The following GNB3 variants were observed in gnomAD, a reference collection of about 807,000 sequenced individuals.
The protein encoded by GNB3 is G protein subunit beta 3.
Under a neutral mutation model 41.2 loss-of-function variants are expected in GNB3, and 33 were observed. That is an observed-to-expected ratio of 0.80 (90% CI 0.61 to 1.07). The LOEUF (loss-of-function observed/expected upper bound fraction) is 1.07, where lower values mean the gene tolerates loss of function less well. Ranked by LOEUF, GNB3 falls within the 50% of genes least tolerant of loss-of-function variation. The probability of loss-of-function intolerance (pLI) is 0.00; values close to 1 mark genes in which losing one functional copy is unlikely to be tolerated. For missense variants in GNB3, 409 were observed against 455.3 expected (o/e 0.90, Z 0.92); for synonymous variants, 172 against 173.4 (o/e 0.99, Z 0.06).
Position 6,841,590 on chromosome 12 carries a change from C to T in GNB3, c.62C>T (p.Ala21Val). ...TGATGTCTGCTTTCCCTGCAGGATGCCAGGAAAGCCTGTGCTGACGTTACT... is the reference window on the plus strand; with the variant it reads ...TGATGTCTGCTTTCCCTGCAGGATGTCAGGAAAGCCTGTGCTGACGTTACT... ...AEQLKKQIAD[A>V]RKACADVTLA... is the part of the protein sequence containing the mutation. Residue 21 changes from alanine to valine, a missense_variant, in exon 3 of 10, where the codon GCC becomes GTC. Ala to Val is a moderately conservative substitution (Grantham distance 64, BLOSUM62 0). Transcript: ENST00000229264. The T allele has an allele frequency of 6.2e-7, 1 of 1,613,216 alleles. No individual in the cohort carries two copies.
At position 6,843,521 on chromosome 12, in the gene GNB3, C is replaced by T; in HGVS notation, c.426C>T (p.His142=). The T allele has an allele frequency of 6.2e-7, 1 of 1,614,108 alleles. No homozygotes were observed. The highest frequency in any genetic ancestry group is 8.5e-7 in the Non-Finnish European group (1 of 1,179,952). ...AGGTCAGCCGGGAGCTTTCTGCTCA[C>T]ACAGGTGAGGGAGAGACCCTCTCCT... The part of the protein sequence containing the change: ...NVKVSRELSA[H]TGYLSCCRFL... The change falls in exon 6 of 10, where the codon CAC becomes CAT. Residue 142 remains histidine, a synonymous_variant. Coordinates refer to ENST00000229264, the MANE Select transcript of GNB3 (RefSeq NM_002075.4). The surrounding 1 kb of genome is among the most constrained non-coding windows in gnomAD (Gnocchi z 5.9).
In GNB3 at chr12:6,845,812, A is replaced by T; in HGVS notation, c.916+10A>T. On this transcript the variant is annotated intron_variant, in intron 9 of 9. Transcript: ENST00000229264. ...AAGTCTGAGCGTGTGGGTAAGGGCC[A>T]GCCCTGGCTGCTGCTTCCTCAGCTG... The T allele has an allele frequency of 1.3e-6, 2 of 1,595,178 alleles. No individual in the cohort carries two copies. Among genetic ancestry groups the T allele is most frequent in the South Asian group, 1.1e-5 (1 of 90,686 alleles).
At chr12:6,845,470 C>T (rs1174400297) in intron 8 of GNB3, 116 bp from the exon 9 acceptor site, 5 of 684,540 alleles carry the variant, frequency 7.3e-6, no homozygotes, top group African/African-American at 7.0e-5. Flanking sequence ...GAGGGACAGG[C>T]AGGGAGGCTG....
At chr12:6,844,042 C>A in intron 8 of GNB3, 64 bp downstream of exon 8, 1 of 1,008,664 alleles carries the variant, frequency 9.9e-7, no homozygotes, top group Non-Finnish European at 1.5e-6. Context: ...ACAACACATA[C>A]AATACACATC....
rs371490473 is a variant in GNB3, at chr12:6,843,111, G to A, written c.203+35G>A. 2.4e-5 allele frequency: 38 copies of A among 1,602,366 alleles called. No individual in the cohort carries two copies. The African/African-American group carries it at 4.1e-4, about 17-fold the overall frequency. On this transcript the variant is annotated intron_variant, in intron 4 of 9. Transcript: ENST00000229264. This position sits in a 1 kb window ranked among gnomAD's most constrained non-coding sequence, Gnocchi z 5.9. ...GGGGGGGAACCGAGAATGGGAGGGT[G>A]AGAGCGGGAGTGAGGAAGGCGGGAA... is the stretch of plus-strand genomic sequence containing the variant.
chr12:6,843,290 C>T lies in GNB3; in HGVS notation c.267+53C>T, dbSNP rs1011742456. 1.6e-5 allele frequency: 26 copies of T among 1,609,288 alleles called. No homozygotes were observed. Among genetic ancestry groups the T allele is most frequent in the Non-Finnish European group, 2.0e-5 (23 of 1,175,724 alleles). On this transcript the variant is annotated intron_variant, in intron 5 of 9. Coordinates refer to ENST00000229264, the MANE Select transcript of GNB3 (RefSeq NM_002075.4). This position sits in a 1 kb window ranked among gnomAD's most constrained non-coding sequence, Gnocchi z 5.9. ...ACCACTGCATCCTTCCTAAGGGCGC[C>T]ATGCCTACCCTCCTGTGCCCAGCTG...
At chr12:6,845,508 A>G in intron 8 of GNB3, 78 bp from the exon 9 acceptor site, 1 of 950,504 alleles carries the variant, frequency 1.1e-6, no homozygotes. Flanking sequence ...TGGAGCTGTC[A>G]GGTGGGAGGC....
rs1388135994 is a variant in GNB3, at chr12:6,843,995, C to T, written c.699+17C>T. On this transcript the variant is annotated intron_variant, in intron 8 of 9. Transcript: ENST00000229264. This position sits in a 1 kb window ranked among gnomAD's most constrained non-coding sequence, Gnocchi z 5.9. ...GCCATCTGTGTGAGTGCACCCCCCA[C>T]CCCAGCTTCACTCCAACTCCTTCCC... is the stretch of plus-strand genomic sequence containing the variant. 1.3e-6 allele frequency: 2 copies of T among 1,582,994 alleles called. No individual in the cohort carries two copies. Among genetic ancestry groups the T allele is most frequent in the East Asian group, 2.2e-5 (1 of 44,708 alleles).
rs1746221454 is a variant in GNB3 at position 6,847,125 on chromosome 12, C to T, written c.*227C>T. Reference sequence around the variant, plus strand: ...CCCATGGCCTTCCCTCCCCACAGTCCTCACAGCCTCTCCCTTAATGAGCAA... The same window carrying T: ...CCCATGGCCTTCCCTCCCCACAGTCTTCACAGCCTCTCCCTTAATGAGCAA... On this transcript the variant is annotated 3_prime_UTR_variant, in exon 10 of 10. Transcript: ENST00000229264. 1 of 527,362 alleles carries T rather than the reference C, an allele frequency of 1.9e-6. No individual in the cohort carries two copies. The highest frequency in any genetic ancestry group is 3.2e-5 in the Admixed American group (1 of 31,554). 32.7% of individuals were successfully genotyped at this position (527,362 alleles called of 1,614,324 possible).
Position 6,844,091 on chromosome 12 carries a change from G to GTCTTTTTTTTTTTTTTTTTTTTTT in GNB3, c.699+114_699+115insCTTTTTTTTTTTTTTTTTTTTTTT, listed in dbSNP as rs1432718669. 17 of 253,438 alleles carry GTCTTTTTTTTTTTTTTTTTTTTTT rather than the reference G, an allele frequency of 6.7e-5. 5 individuals are homozygous for GTCTTTTTTTTTTTTTTTTTTTTTT. The highest frequency in any genetic ancestry group is 3.9e-4 in the African/African-American group (9 of 23,258). 15.7% of individuals were successfully genotyped at this position (253,438 alleles called of 1,614,324 possible). ...ATAGCTTCCCTAGCCCTTTCTTACT[G>GTCTTTTTTTTTTTTTTTTTTTTTT]TATTTTTTTTTTTTTTTTTTTTTTT... On this transcript the variant is annotated intron_variant, in intron 8 of 9. Transcript: ENST00000229264.
At chr12:6,841,210 C>G in intron 1 of GNB3, 48 bp from the exon 2 acceptor site, 1 of 1,252,922 alleles carries the variant, frequency 8.0e-7, no homozygotes, top group East Asian at 2.4e-5. Context: ...AGGGCAGAAG[C>G]ACAGCCTGGT....
chr12:6,842,985 G>C lies in GNB3; in HGVS notation c.112G>C (p.Glu38Gln), dbSNP rs1943600646. ...CTCTCTGCAGCTGGTGTCTGGCCTA[G>C]AGGTGGTGGGACGAGTCCAGATGCG... ...VTLAELVSGLEVVGRVQMRTR... is the reference protein window; with the variant it reads ...VTLAELVSGLQVVGRVQMRTR... The change falls in exon 4 of 10, where the codon GAG becomes CAG. Residue 38 changes from glutamate (E) to glutamine (Q), a missense_variant. Transcript: ENST00000229264. The C allele has an allele frequency of 6.5e-6, 10 of 1,549,464 alleles. No homozygotes were observed. The highest frequency in any genetic ancestry group is 8.8e-6 in the Non-Finnish European group (10 of 1,142,768).
At chr12:6,841,168 T>C in intron 1 of GNB3, 90 bp from the exon 2 acceptor site, 1 of 790,800 alleles carries the variant, frequency 1.3e-6, no homozygotes, top group Non-Finnish European at 2.1e-6. Context: ...CCCAGTCGTT[T>C]CCCTGTGTCT....
intron 2 of GNB3, 84 bp downstream of exon 2, chr12:6,841,428 G>T: frequency 1.5e-6 from 2 of 1,297,978 alleles, no homozygotes; most frequent in South Asian, 2.5e-5. Flanking sequence ...GGCTGGGTTT[G>T]CTCTTGAGTG....
At position 6,845,612 on chromosome 12, in the gene GNB3, C is replaced by T. The variant is rs760856626; in HGVS notation, c.726C>T (p.Cys242=). The part of the protein sequence containing the change: ...ICFFPNGEAI[C]TGSDDASCRL... ...TCTTCCCCAATGGAGAGGCCATCTG[C>T]ACGGGCTCGGATGACGCTTCCTGCC... Residue 242 remains cysteine (C), a synonymous_variant, in exon 9 of 10, where the codon TGC becomes TGT. Transcript: ENST00000229264. 5.6e-6 allele frequency: 9 copies of T among 1,612,634 alleles called. No individual in the cohort carries two copies. The highest frequency in any genetic ancestry group is 7.6e-6 in the Non-Finnish European group (9 of 1,179,802).
chr12:6,846,545 T>C, intron 9 of GNB3: 1 of 393,734 alleles, frequency 2.5e-6, no homozygotes, highest in South Asian at 5.7e-5. Context: ...CCTCTTTCAG[T>C]CTCTTAGCCT....
chr12:6,841,392 A>G (rs1555123351), intron 2 of GNB3, 48 bp downstream of exon 2: 4 of 1,537,854 alleles, frequency 2.6e-6, no homozygotes, highest in Non-Finnish European at 3.6e-6. Context: ...AGCTGGGGAC[A>G]TGAGGAGCGT....
chr12:6,841,179 T>C, intron 1 of GNB3, 79 bp from the exon 2 acceptor site: 1 of 874,810 alleles, frequency 1.1e-6, no homozygotes, highest in Non-Finnish European at 1.9e-6. Context: ...CCCTGTGTCT[T>C]GGAGTCTGGT....
Position 6,843,297 on chromosome 12 carries a change from A to G in GNB3, c.267+60A>G. On this transcript the variant is annotated intron_variant, in intron 5 of 9. Coordinates refer to ENST00000229264, the MANE Select transcript of GNB3 (RefSeq NM_002075.4). This position sits in a 1 kb window ranked among gnomAD's most constrained non-coding sequence, Gnocchi z 5.9. ...CATCCTTCCTAAGGGCGCCATGCCTACCCTCCTGTGCCCAGCTGGGAGCTT... is the reference window on the plus strand; with the variant it reads ...CATCCTTCCTAAGGGCGCCATGCCTGCCCTCCTGTGCCCAGCTGGGAGCTT... 1 of 1,608,402 alleles carries G rather than the reference A, an allele frequency of 6.2e-7. No homozygotes were observed. The highest frequency in any genetic ancestry group is 8.5e-7 in the Non-Finnish European group (1 of 1,175,156).
Sources: allele counts gnomAD v4.1 joint callset, GRCh38; gene constraint gnomAD v4.1.1; non-coding constraint Gnocchi (gnomAD v3.1); transcripts MANE v1.5; gene names NCBI Gene and HGNC (gene_info 2026-07-23, HGNC 2026-07-21).